KLHL14: variants seen among roughly 807,000 people sequenced by gnomAD.
KLHL14 encodes the protein kelch-like protein 14.
Under a neutral mutation model 64.3 loss-of-function variants are expected in KLHL14, and 22 were observed. The observed-to-expected ratio is 0.34, with a 90% confidence interval of 0.24 to 0.49. KLHL14 has a LOEUF of 0.49. Among genes scored for constraint, KLHL14 ranks in the 20% least tolerant of loss-of-function variants. KLHL14 has a pLI of 0.99. For missense variants in KLHL14, 661 were observed against 789.0 expected, an observed-to-expected ratio of 0.84 and a Z score of 1.94; for synonymous variants, 322 against 333.4, an observed-to-expected ratio of 0.97 and a Z score of 0.37.
intron 2 of KLHL14, among the ~76,000 whole-genome samples, chr18:32,756,811 A>C (rs1239633617): frequency 1.3e-5 from 2 of 152,242 alleles, no homozygotes; most frequent in African/African-American, 4.8e-5. Flanking sequence ...GTCTAGAATT[A>C]GATACCTTCT....
intron 2 of KLHL14, among the ~76,000 whole-genome samples, chr18:32,763,764 C>T (rs1457145181): frequency 6.6e-6 from 1 of 152,154 alleles, no homozygotes; most frequent in Non-Finnish European, 1.5e-5. Flanking sequence ...CTGCACCAAC[C>T]TTAAGTGTCT....
chr18:32,755,622 A>G (rs555313127), intron 2 of KLHL14, among the ~76,000 whole-genome samples: 1 of 152,198 alleles, frequency 6.6e-6, no homozygotes, highest in Non-Finnish European at 1.5e-5. Context: ...AATTCAAAAA[A>G]CAGAAGCAAT....
At chr18:32,747,888 T>C (rs1007544746) in intron 2 of KLHL14, among the ~76,000 whole-genome samples, 1 of 152,238 alleles carries the variant, frequency 6.6e-6, no homozygotes, top group African/African-American at 2.4e-5. Flanking sequence ...CAGCTATGCG[T>C]GACTATTTTT....
chr18:32,743,887 T>G (rs1163814407), intron 2 of KLHL14: 17 of 152,222 alleles, frequency 1.1e-4, no homozygotes, highest in Admixed American at 1.0e-3. Flanking sequence ...TTTTTCTTAT[T>G]GTAGTTTTTA....
intron 3 of KLHL14, among the ~76,000 whole-genome samples, chr18:32,736,425 TG>T (rs2050166456): frequency 6.6e-6 from 1 of 152,126 alleles, no homozygotes; most frequent in African/African-American, 2.4e-5. Flanking sequence ...TCCAAAGCCA[TG>T]GAAACGATTG....
rs1229737083 is a variant in KLHL14 at position 32,693,413 on chromosome 18, C to CACACAGAGAGAG, written c.1159+2049_1159+2050insCTCTCTCTGTGT. The stretch of plus-strand genomic sequence containing the variant: ...ACACACACACACACACACACACACA[C>CACACAGAGAGAG]AGAGAGAGAGAGAGAGAGAGAGAGA... On this transcript the variant is annotated intron_variant, in intron 4 of 8. Coordinates refer to ENST00000359358, the MANE Select transcript of KLHL14 (RefSeq NM_020805.3). 2.9e-4 allele frequency among the ~76,000 whole-genome samples: 28 copies of CACACAGAGAGAG among 97,030 alleles called. 1 individual carries two copies. Among genetic ancestry groups the CACACAGAGAGAG allele is most frequent in the Middle Eastern group, 6.4e-3 (1 of 156 alleles). 63.7% of individuals were successfully genotyped at this position (97,030 alleles called of 152,430 possible). A position where few individuals can be genotyped will look rare whatever the true frequency, so the allele number is the denominator to read the frequency against.
chr18:32,724,439 T>C (rs2050096057), intron 3 of KLHL14, among the ~76,000 whole-genome samples: 1 of 152,188 alleles, frequency 6.6e-6, no homozygotes, highest in Admixed American at 6.5e-5. Flanking sequence ...TACATGTCTT[T>C]ACTCTTATCT....
At chr18:32,759,092 TG>T (rs2144547220) in intron 2 of KLHL14, among the ~76,000 whole-genome samples, 1 of 152,350 alleles carries the variant, frequency 6.6e-6, no homozygotes, top group African/African-American at 2.4e-5. Flanking sequence ...AGTGGGTGAA[TG>T]GTATAGTATA....
intron 3 of KLHL14, chr18:32,734,195 CT>C (rs2050151356): frequency 2.8e-6 from 2 of 702,782 alleles, no homozygotes; most frequent in Non-Finnish European, 5.2e-6. Flanking sequence ...CTTCTGAACT[CT>C]GGTGAGCTTG....
At chr18:32,701,985 T>C (rs1012011994) in intron 3 of KLHL14, among the ~76,000 whole-genome samples, 6 of 152,254 alleles carry the variant, frequency 3.9e-5, no homozygotes, top group Non-Finnish European at 7.3e-5. Context: ...GAGTGAACAA[T>C]TGATGTCTAG....
intron 3 of KLHL14, among the ~76,000 whole-genome samples, chr18:32,712,197 T>A (rs2144501169): frequency 6.6e-6 from 1 of 152,248 alleles, no homozygotes; most frequent in East Asian, 1.9e-4. Flanking sequence ...ATTTACTATC[T>A]TGCCCTTACA....
intron 2 of KLHL14, among the ~76,000 whole-genome samples, chr18:32,747,802 TC>T (rs2050231122): frequency 6.6e-6 from 1 of 152,236 alleles, no homozygotes; most frequent in African/African-American, 2.4e-5. Context: ...TCAATATCAA[TC>T]TTTTTTTAAA....
At chr18:32,713,580 C>G (rs2050030956) in intron 3 of KLHL14, among the ~76,000 whole-genome samples, 3 of 152,052 alleles carry the variant, frequency 2.0e-5, no homozygotes, top group African/African-American at 7.2e-5. Context: ...ATAGGGAGAC[C>G]CCATCTGTAT....
At chr18:32,720,595 T>C (rs1347025972) in intron 3 of KLHL14, among the ~76,000 whole-genome samples, 2 of 152,156 alleles carry the variant, frequency 1.3e-5, no homozygotes, top group South Asian at 2.1e-4. Flanking sequence ...ACAATTCTTA[T>C]GGCTGCTGTC....
At chr18:32,679,788 T>G (rs2049829274) in intron 7 of KLHL14, among the ~76,000 whole-genome samples, 1 of 152,152 alleles carries the variant, frequency 6.6e-6, no homozygotes, top group South Asian at 2.1e-4. Context: ...CTAAAGTTCC[T>G]TATGATTACA....
At chr18:32,759,634 G>A (rs1308636190) in intron 2 of KLHL14, among the ~76,000 whole-genome samples, 1 of 152,002 alleles carries the variant, frequency 6.6e-6, no homozygotes, top group South Asian at 2.1e-4. Context: ...ACTAGCATTT[G>A]TCTAACTTTC....
chr18:32,681,210 G>C (rs187501041), intron 5 of KLHL14, among the ~76,000 whole-genome samples: 2 of 151,996 alleles, frequency 1.3e-5, no homozygotes, highest in Non-Finnish European at 2.9e-5. Context: ...TTCTTAAAAG[G>C]CTATAAGATA....
At chr18:32,744,840 C>T (rs1384949152) in intron 2 of KLHL14, 1 of 152,164 alleles carries the variant, frequency 6.6e-6, no homozygotes, top group Non-Finnish European at 1.5e-5. Flanking sequence ...CCCAAATTGC[C>T]AGCCATTGCC....
intron 2 of KLHL14, among the ~76,000 whole-genome samples, chr18:32,750,663 C>G (rs553578840): frequency 4.6e-5 from 7 of 152,250 alleles, no homozygotes; most frequent in African/African-American, 1.7e-4. Context: ...TTCAAGTCAC[C>G]GAATTTCATG....
Sources: gnomAD v4.1 joint callset for allele counts (sites outside exome capture counted in the v4.1 genomes callset) on GRCh38, gnomAD v4.1.1 for gene constraint, MANE v1.5 for transcripts, NCBI Gene and HGNC (gene_info 2026-07-23, HGNC 2026-07-21) for gene names.